Variants in CEP112 observed in about 807,000 individuals in gnomAD.
CEP112 encodes the protein centrosomal protein of 112 kDa.
Under a neutral mutation model 153.0 loss-of-function variants are expected in CEP112, and 127 were observed. The observed-to-expected ratio is 0.83, with a 90% CI of 0.72 to 0.96. CEP112 has a LOEUF of 0.96. Ranked by LOEUF, CEP112 falls within the 40% of genes least tolerant of loss-of-function variation. The pLI is 0.00. For missense variants in CEP112, 1,089 were observed against 1,101.2 expected, an observed-to-expected ratio of 0.99 and a Z score of 0.16; for synonymous variants, 358 against 374.4, an observed-to-expected ratio of 0.96 and a Z score of 0.51.
intron 21 of CEP112, among the ~76,000 whole-genome samples, chr17:65,808,263 CT>C (rs1331371144): frequency 1.3e-5 from 2 of 152,208 alleles, no homozygotes; most frequent in African/African-American, 4.8e-5. Context: ...AATGCTTGTA[CT>C]CCCATTGTAT....
At chr17:66,149,075 TTAAGA>T (rs1477294882) in intron 4 of CEP112, among the ~76,000 whole-genome samples, 6 of 152,212 alleles carry the variant, frequency 3.9e-5, no homozygotes, top group African/African-American at 1.4e-4. Flanking sequence ...TCTACCTCAA[TTAAGA>T]TGATTGTGTG....
At chr17:66,029,089 C>T (rs1420439988) in intron 14 of CEP112, 34 bp downstream of exon 14, 2 of 1,518,152 alleles carry the variant, frequency 1.3e-6, no homozygotes, top group Non-Finnish European at 1.8e-6. Context: ...TGAATAAATA[C>T]TTCATGTGGA....
Position 65,864,417 on chromosome 17 carries a change from AC to A in CEP112, c.2164-12384del, listed in dbSNP as rs1598816803. 2.0e-5 allele frequency among the ~76,000 whole-genome samples: 3 copies of A among 152,276 alleles called. No homozygotes were observed. The East Asian group carries it at 5.8e-4, about 29-fold the overall frequency. On this transcript the variant is annotated intron_variant, in intron 20 of 26. Transcript: ENST00000535342. ...TCAAGAGAAGCAGTCCAAGCTCCTG[AC>A]TTCCTCATCACTGGAAATTTCTTCC...
At chr17:65,801,920 C>T (rs2145829708) in intron 21 of CEP112, among the ~76,000 whole-genome samples, 1 of 152,260 alleles carries the variant, frequency 6.6e-6, no homozygotes, top group South Asian at 2.1e-4. Context: ...TTGCATGTCT[C>T]ATAATTATTT....
rs575691188 is a variant in CEP112, at chr17:66,054,913, C to G, written c.1075-1034G>C. Among the ~76,000 whole-genome samples the G allele has an allele frequency of 2.2e-3, 337 of 152,192 alleles. 1 individual carries two copies. The highest frequency in any genetic ancestry group is 5.1e-3 in the Admixed American group (78 of 15,288). ...CTGGGATCAAAGGCAGCCGCCAAAA[C>G]ATCTGGCTAATTTTTTATATTTTTA... On this transcript the variant is annotated intron_variant, in intron 11 of 26. Coordinates refer to ENST00000535342, the MANE Select transcript of CEP112 (RefSeq NM_001199165.4).
intron 16 of CEP112, among the ~76,000 whole-genome samples, chr17:66,023,331 C>T (rs184188617): frequency 2.6e-5 from 4 of 152,140 alleles, no homozygotes; most frequent in African/African-American, 4.8e-5. Context: ...AGCATCTAGT[C>T]ACCTATTAAG....
rs921302121 is a variant in CEP112, at chr17:66,096,475, A to G, written c.690+110T>C. ...CACTTCCAAGTGATAAAATTCAAAAACTATTATGTTTCCTAATGTAGATCC... is the reference window on the plus strand; with the variant it reads ...CACTTCCAAGTGATAAAATTCAAAAGCTATTATGTTTCCTAATGTAGATCC... On this transcript the variant is annotated intron_variant, in intron 7 of 26. Transcript: ENST00000535342. 12 of 1,145,928 alleles carry G rather than the reference A, an allele frequency of 1.0e-5. No homozygotes were observed. The Admixed American group carries it at 1.3e-4, about 12-fold the overall frequency. 71.0% of individuals were successfully genotyped at this position (1,145,928 alleles called of 1,614,324 possible).
chr17:65,803,267 C>A (rs542373251), intron 21 of CEP112, among the ~76,000 whole-genome samples: 1 of 152,186 alleles, frequency 6.6e-6, no homozygotes, highest in African/African-American at 2.4e-5. Flanking sequence ...ATTCAGTTAA[C>A]GAGCCTCCAA....
chr17:65,997,468 C>T (rs1005899596), intron 17 of CEP112, among the ~76,000 whole-genome samples: 2 of 152,138 alleles, frequency 1.3e-5, no homozygotes, highest in Admixed American at 6.5e-5. Flanking sequence ...ACCTGGTTTA[C>T]ACTCTGCTCC....
intron 12 of CEP112, among the ~76,000 whole-genome samples, chr17:66,046,033 GT>G (rs35176244): frequency 1.7e-4 from 25 of 150,692 alleles, no homozygotes; most frequent in South Asian, 1.0e-3. Flanking sequence ...ACGTTAAAAA[GT>G]TTTTTTTTTC....
In CEP112 at chr17:65,824,954, C is replaced by T. The variant is rs753036588; in HGVS notation, c.2394+26850G>A. On this transcript the variant is annotated intron_variant, in intron 21 of 26. Transcript: ENST00000535342. Reference sequence around the variant, plus strand: ...TGAAAAATTAAAAACAGAATTATATCGACCAATTCCTACTTCTGAGTATAT... The same window carrying T: ...TGAAAAATTAAAAACAGAATTATATTGACCAATTCCTACTTCTGAGTATAT... Among the ~76,000 whole-genome samples, 63 of 152,188 alleles carry T rather than the reference C, an allele frequency of 4.1e-4. 1 individual carries two copies. Among genetic ancestry groups the T allele is most frequent in the Middle Eastern group, 6.8e-3 (2 of 294 alleles).
At chr17:65,768,565 ATAT>A (rs2145480869) in intron 21 of CEP112, among the ~76,000 whole-genome samples, 1 of 152,298 alleles carries the variant, frequency 6.6e-6, no homozygotes, top group African/African-American at 2.4e-5. Context: ...CTTCAATAAA[ATAT>A]TATCAAACCA....
At chr17:65,812,733 A>G (rs1381292423) in intron 21 of CEP112, among the ~76,000 whole-genome samples, 1 of 152,230 alleles carries the variant, frequency 6.6e-6, no homozygotes, top group Non-Finnish European at 1.5e-5. Flanking sequence ...TCTCTCAAAG[A>G]CAATGATAAG....
intron 20 of CEP112, among the ~76,000 whole-genome samples, chr17:65,878,034 A>G (rs555865205): frequency 1.3e-5 from 2 of 152,346 alleles, no homozygotes; most frequent in Admixed American, 6.5e-5. Flanking sequence ...TCCTCATTCC[A>G]GGGAGCATTG....
intron 18 of CEP112, among the ~76,000 whole-genome samples, chr17:65,957,261 G>GA (rs1334329489): frequency 6.6e-6 from 1 of 152,064 alleles, no homozygotes; most frequent in Non-Finnish European, 1.5e-5. Context: ...CGCTAAAAAA[G>GA]AAAAAGTCAA....
At chr17:65,958,697 C>T (rs1301390223) in intron 18 of CEP112, among the ~76,000 whole-genome samples, 2 of 152,304 alleles carry the variant, frequency 1.3e-5, no homozygotes, top group East Asian at 1.9e-4. Context: ...TTGACACCTA[C>T]AGCCTGGGCA....
intron 20 of CEP112, among the ~76,000 whole-genome samples, 153 bp downstream of exon 20, chr17:65,901,989 GGGGGGGGGGT>G (rs2059872589): frequency 9.3e-4 from 40 of 42,820 alleles, no homozygotes; most frequent in South Asian, 3.7e-3. Context: ...AAAACGGGGG[GGGGGGGGGGT>G]GGGGGGGAGA....
intron 17 of CEP112, among the ~76,000 whole-genome samples, chr17:65,965,421 T>G (rs979769152): frequency 2.0e-5 from 3 of 151,942 alleles, no homozygotes; most frequent in African/African-American, 7.2e-5. Context: ...ACACTAAATA[T>G]CAAAAGTGGC....
At chr17:65,987,099 A>G (rs1373531890) in intron 17 of CEP112, among the ~76,000 whole-genome samples, 1 of 152,184 alleles carries the variant, frequency 6.6e-6, no homozygotes, top group Non-Finnish European at 1.5e-5. Context: ...ATAAAAATAT[A>G]CCATCAAAAT....
Sources: gnomAD v4.1 joint callset for allele counts (sites outside exome capture counted in the v4.1 genomes callset) on GRCh38, gnomAD v4.1.1 for gene constraint, MANE v1.5 for transcripts, NCBI Gene and HGNC (gene_info 2026-07-23, HGNC 2026-07-21) for gene names.